OSBPL10: variants seen among roughly 807,000 people sequenced by gnomAD.
OSBPL10 encodes oxysterol-binding protein-related protein 10.
Under a neutral mutation model 81.7 loss-of-function variants are expected in OSBPL10, and 49 were observed. The observed-to-expected ratio is 0.60, with a 90% CI of 0.48 to 0.76. The LOEUF (loss-of-function observed/expected upper bound fraction) is 0.76, where lower values mean the gene tolerates loss of function less well. OSBPL10 is among the 30% of genes least tolerant of loss of function. The pLI is 0.00. For synonymous variants in OSBPL10, 419 were observed against 383.6 expected, an observed-to-expected ratio of 1.09 and a Z score of -1.08; for missense variants, 923 against 987.8, an observed-to-expected ratio of 0.93 and a Z score of 0.88.
chr3:31,925,470 A>C lies in OSBPL10; in HGVS notation c.282-45640T>G, dbSNP rs1364280497. Among the ~76,000 whole-genome samples, 11 of 142,248 alleles carry C rather than the reference A, an allele frequency of 7.7e-5. No homozygotes were observed. The Admixed American group carries it at 8.1e-4, about 10-fold the overall frequency. The allele number at this position is 142,248 out of a possible 152,430, so 93.3% of individuals were successfully genotyped here. A position where few individuals can be genotyped will look rare whatever the true frequency, so the allele number is the denominator to read the frequency against. On this transcript the variant is annotated intron_variant, in intron 1 of 11. Coordinates refer to ENST00000396556, the MANE Select transcript of OSBPL10 (RefSeq NM_017784.5). The stretch of plus-strand genomic sequence containing the variant: ...GACTACCAGAGTGACTGTTAAATTC[A>C]TCATGCAAAGCATTTTTTTTTTTTT...
At chr3:32,060,453 C>T (rs1699747560) in intron 1 of OSBPL10, among the ~76,000 whole-genome samples, 1 of 152,188 alleles carries the variant, frequency 6.6e-6, no homozygotes, top group African/African-American at 2.4e-5. Flanking sequence ...CTTAAATGCT[C>T]ATATACCAAA....
chr3:31,688,283 TCACACACACACA>T (rs55643097), intron 7 of OSBPL10, among the ~76,000 whole-genome samples: 8 of 115,484 alleles, frequency 6.9e-5, no homozygotes, highest in African/African-American at 2.6e-4. Context: ...TCTCTCTCTC[TCACACACACACA>T]CACACACACA....
At chr3:31,726,628 G>C (rs533888044) in intron 6 of OSBPL10, among the ~76,000 whole-genome samples, 2 of 152,170 alleles carry the variant, frequency 1.3e-5, no homozygotes, top group East Asian at 3.9e-4. Context: ...AAAGTATCTT[G>C]AGAAGAGCTC....
intron 4 of OSBPL10, among the ~76,000 whole-genome samples, chr3:31,814,570 T>C (rs1699784641): frequency 6.6e-6 from 1 of 151,992 alleles, no homozygotes; most frequent in African/African-American, 2.4e-5. Context: ...GAGTGATGCG[T>C]CTATGAACCA....
At chr3:31,820,324 C>A (rs957087425) in intron 4 of OSBPL10, among the ~76,000 whole-genome samples, 2 of 152,006 alleles carry the variant, frequency 1.3e-5, no homozygotes, top group Non-Finnish European at 2.9e-5. Context: ...CAGCTGGGCA[C>A]GGTGGCTCAC....
At chr3:31,749,193 G>A (rs1697633682) in intron 4 of OSBPL10, among the ~76,000 whole-genome samples, 1 of 152,202 alleles carries the variant, frequency 6.6e-6, no homozygotes, top group Non-Finnish European at 1.5e-5. Context: ...TGTCACCAGT[G>A]GGAAGAAGCA....
intron 2 of OSBPL10, among the ~76,000 whole-genome samples, chr3:32,026,427 C>T (rs1035612873): frequency 3.3e-5 from 5 of 152,124 alleles, no homozygotes; most frequent in African/African-American, 9.7e-5. Context: ...TGACCATGCC[C>T]GGCTAAGCCA....
At chr3:31,857,824 G>GAGAGAA (rs1311412388) in intron 3 of OSBPL10, among the ~76,000 whole-genome samples, 1 of 22,958 alleles carries the variant, frequency 4.4e-5, no homozygotes, top group African/African-American at 1.5e-4. Context: ...GAAAGGGAGA[G>GAGAGAA]GGAGAGGGAG....
chr3:31,899,162 G>A (rs1057209188), intron 1 of OSBPL10, among the ~76,000 whole-genome samples: 5 of 151,786 alleles, frequency 3.3e-5, no homozygotes, highest in African/African-American at 1.2e-4. Context: ...GGCTGCTCTC[G>A]AACTCCTGAG....
intron 1 of OSBPL10, among the ~76,000 whole-genome samples, chr3:32,076,580 G>A (rs1470196427): frequency 6.6e-6 from 1 of 151,904 alleles, no homozygotes; most frequent in East Asian, 1.9e-4. Flanking sequence ...CTGTCCAATG[G>A]GTTCATCTTG....
At chr3:32,028,937 C>G (rs962718359) in intron 2 of OSBPL10, among the ~76,000 whole-genome samples, 1 of 131,300 alleles carries the variant, frequency 7.6e-6, no homozygotes, top group Non-Finnish European at 1.6e-5. Flanking sequence ...GACACACACA[C>G]ACACACACAC....
rs187813990 is a variant in OSBPL10, at chr3:31,930,747, G to A, written c.281+50152C>T. On this transcript the variant is annotated intron_variant, in intron 1 of 11. Transcript: ENST00000396556. ...AAAAGATAGTAGGCTGGGTGCGGTG[G>A]CTCACACCTATAATCCCAGCACTTT... Among the ~76,000 whole-genome samples, 1,004 of 152,164 alleles carry A rather than the reference G, an allele frequency of 6.6e-3. 6 individuals are homozygous for A. Among genetic ancestry groups the A allele is most frequent in the African/African-American group, 0.023 (966 of 41,518 alleles).
chr3:31,974,614 G>A (rs374296402), intron 1 of OSBPL10, among the ~76,000 whole-genome samples: 4 of 152,068 alleles, frequency 2.6e-5, no homozygotes, highest in East Asian at 1.9e-4. Flanking sequence ...CAAACATAAC[G>A]TTAAGAGAAA....
intron 8 of OSBPL10, among the ~76,000 whole-genome samples, chr3:31,683,234 A>G (rs1700699953): frequency 1.3e-5 from 2 of 152,252 alleles, no homozygotes; most frequent in African/African-American, 4.8e-5. Flanking sequence ...AATAGGCAGC[A>G]TGATTATCCT....
chr3:32,049,845 A>G (rs780057455), intron 1 of OSBPL10, among the ~76,000 whole-genome samples: 43 of 152,170 alleles, frequency 2.8e-4, no homozygotes, highest in Non-Finnish European at 5.7e-4. Flanking sequence ...GTTTTGATTC[A>G]GTGTTAGTGC....
intron 4 of OSBPL10, among the ~76,000 whole-genome samples, chr3:31,791,567 T>G (rs2125423885): frequency 6.6e-6 from 1 of 152,316 alleles, no homozygotes; most frequent in East Asian, 1.9e-4. Flanking sequence ...GTGTTTATCT[T>G]AAAACCATAG....
At chr3:31,851,833 C>G (rs1700774462) in intron 3 of OSBPL10, among the ~76,000 whole-genome samples, 1 of 152,178 alleles carries the variant, frequency 6.6e-6, no homozygotes, top group Non-Finnish European at 1.5e-5. Flanking sequence ...CAGAGCAGGA[C>G]TCAGAAGGCA....
chr3:31,720,081 GTA>G (rs1486946981), intron 6 of OSBPL10, among the ~76,000 whole-genome samples: 2 of 149,364 alleles, frequency 1.3e-5, no homozygotes, highest in Non-Finnish European at 3.0e-5. Flanking sequence ...TATATTATAT[GTA>G]TATGTTTGCT....
chr3:31,738,904 T>TAC (rs1451957748), intron 5 of OSBPL10, among the ~76,000 whole-genome samples: 2 of 151,878 alleles, frequency 1.3e-5, no homozygotes, highest in Admixed American at 6.6e-5. Flanking sequence ...GGATGTCATA[T>TAC]ACATATATAT....
Sources: gnomAD v4.1 joint callset for allele counts (sites outside exome capture counted in the v4.1 genomes callset) on GRCh38, gnomAD v4.1.1 for gene constraint, MANE v1.5 for transcripts, NCBI Gene and HGNC (gene_info 2026-07-23, HGNC 2026-07-21) for gene names.